The following ANKRD31 variants were observed in gnomAD, a reference collection of about 807,000 sequenced individuals.
The protein encoded by ANKRD31 is ankyrin repeat domain 31, also known as ankyrin repeat domain-containing protein 31.
ANKRD31 carries 147 observed loss-of-function variants against 186.0 expected under a neutral mutation model. That is an observed-to-expected ratio of 0.79 (90% CI 0.69 to 0.91). The LOEUF (loss-of-function observed/expected upper bound fraction) is 0.91. Ranked by LOEUF, ANKRD31 falls within the 40% of genes least tolerant of loss-of-function variation. The pLI is 0.00. For missense variants in ANKRD31, 1,986 were observed against 2,148.8 expected, an observed-to-expected ratio of 0.92 and a Z score of 1.50; for synonymous variants, 673 against 736.4, an observed-to-expected ratio of 0.91 and a Z score of 1.39.
Position 75,147,474 on chromosome 5 carries a change from C to T in ANKRD31, c.1937G>A (p.Trp646Ter), listed in dbSNP as rs754638397. Residue 646 changes from tryptophan (W) to a stop codon, truncating the protein, a stop_gained, in exon 14 of 26, where the codon TGG becomes TAG. Coordinates refer to ENST00000506364, the MANE Select transcript of ANKRD31 (RefSeq NM_001372053.1). LOFTEE classifies it high-confidence loss of function. ...GTTGGAATTTTCATTATAAACATGC[C>T]AAATGTGACTTTTAGAACTGAACTT... ...KPKFSSKSHI[W>*]HVYNENSNRQ... The T allele has an allele frequency of 9.0e-5, 133 of 1,470,818 alleles. No homozygotes were observed. Among genetic ancestry groups the T allele is most frequent in the Non-Finnish European group, 1.2e-4 (130 of 1,122,150 alleles). 91.1% of individuals were successfully genotyped at this position (1,470,818 alleles called of 1,614,324 possible).
intron 2 of ANKRD31, among the ~76,000 whole-genome samples, chr5:75,224,026 T>C (rs1757459564): frequency 1.3e-5 from 2 of 151,334 alleles, no homozygotes; most frequent in Admixed American, 6.6e-5. Context: ...TAAATATCTA[T>C]AGATCAAACC....
chr5:75,146,693 G>T lies in ANKRD31; in HGVS notation c.2718C>A (p.Cys906Ter). ...ENSDNDDDDD[C>*]STSEKAITSK... ...ATGTTATAGCCTTCTCAGAGGTAGA[G>T]CAATCATCATCATCATCATTATCAG... is the stretch of plus-strand genomic sequence containing the variant. The change falls in exon 14 of 26, where the codon TGC becomes TGA. Residue 906 changes from cysteine to a stop codon, truncating the protein, a stop_gained. Coordinates refer to ENST00000506364, the MANE Select transcript of ANKRD31 (RefSeq NM_001372053.1). LOFTEE classifies it high-confidence loss of function. The T allele has an allele frequency of 6.5e-7, 1 of 1,536,162 alleles. No individual in the cohort carries two copies. Among genetic ancestry groups the T allele is most frequent in the Non-Finnish European group, 8.7e-7 (1 of 1,146,198 alleles).
chr5:75,101,098 G>A (rs993787872), intron 22 of ANKRD31, among the ~76,000 whole-genome samples: 1 of 152,158 alleles, frequency 6.6e-6, no homozygotes, highest in African/African-American at 2.4e-5. Flanking sequence ...CTTCCTTCAG[G>A]AGCTCTTGTA....
At chr5:75,148,430 C>CTAGTG in intron 13 of ANKRD31, 146 bp downstream of exon 13, 1 of 542,958 alleles carries the variant, frequency 1.8e-6, no homozygotes, top group Non-Finnish European at 3.1e-6. Flanking sequence ...CCCTCTGATT[C>CTAGTG]TCATGCAATT....
Position 75,146,154 on chromosome 5 carries a change from T to G in ANKRD31, c.3257A>C (p.His1086Pro). ...TTTAGTTGTTTCTATTACTTGAGAA[T>G]GAGCAACTATGGATAAAGGCTCATT... ...YSNEPLSIVAHSQVIETTKVE... is the reference protein window; with the variant it reads ...YSNEPLSIVAPSQVIETTKVE... The change falls in exon 14 of 26, where the codon CAT becomes CCT. Residue 1086 changes from histidine (H) to proline (P), a missense_variant. Coordinates refer to ENST00000506364, the MANE Select transcript of ANKRD31 (RefSeq NM_001372053.1). 1 of 1,535,946 alleles carries G rather than the reference T, an allele frequency of 6.5e-7. No homozygotes were observed. The highest frequency in any genetic ancestry group is 8.7e-7 in the Non-Finnish European group (1 of 1,146,284).
intron 6 of ANKRD31, among the ~76,000 whole-genome samples, chr5:75,196,901 CTTT>C (rs1264731551): frequency 6.6e-6 from 1 of 151,312 alleles, no homozygotes; most frequent in Non-Finnish European, 1.5e-5. Context: ...CTTTTCTTTC[CTTT>C]TTTTTCTTTT....
At chr5:75,125,313 T>C (rs1749154714) in intron 17 of ANKRD31, among the ~76,000 whole-genome samples, 1 of 152,210 alleles carries the variant, frequency 6.6e-6, no homozygotes, top group Non-Finnish European at 1.5e-5. Context: ...TTTCTATTTA[T>C]TTAGATTTTA....
intron 25 of ANKRD31, among the ~76,000 whole-genome samples, chr5:75,075,013 C>A (rs942214698): frequency 7.2e-5 from 11 of 152,204 alleles, no homozygotes; most frequent in African/African-American, 2.6e-4. Context: ...TTTTTCTTTT[C>A]TTAAAAATCA....
intron 17 of ANKRD31, 23 bp downstream of exon 17, chr5:75,137,833 T>C (rs1325221046): frequency 7.0e-7 from 1 of 1,428,668 alleles, no homozygotes; most frequent in Non-Finnish European, 9.1e-7. Flanking sequence ...AGTAGTAAGA[T>C]CTTAATGTGA....
chr5:75,131,942 G>A (rs1749880155), intron 17 of ANKRD31, among the ~76,000 whole-genome samples: 2 of 152,234 alleles, frequency 1.3e-5, no homozygotes, highest in Non-Finnish European at 2.9e-5. Context: ...GCCTGCAGCT[G>A]AGGGTCCTGA....
intron 23 of ANKRD31, among the ~76,000 whole-genome samples, chr5:75,087,223 C>T (rs768986073): frequency 6.6e-5 from 10 of 151,992 alleles, no homozygotes; most frequent in African/African-American, 9.7e-5. Context: ...GAAATCTGTT[C>T]GTGGATGGCC....
chr5:75,154,130 T>C, intron 12 of ANKRD31, 71 bp downstream of exon 12: 1 of 1,275,758 alleles, frequency 7.8e-7, no homozygotes, highest in South Asian at 2.4e-5. Flanking sequence ...TTTAATTTCT[T>C]TAATTCTAAA....
At chr5:75,094,425 C>G (rs1017579135) in intron 22 of ANKRD31, among the ~76,000 whole-genome samples, 5 of 151,988 alleles carry the variant, frequency 3.3e-5, no homozygotes, top group African/African-American at 1.2e-4. Context: ...ACAGAAGTAA[C>G]ATTTCTATAT....
At chr5:75,160,408 C>T (rs993127067) in intron 11 of ANKRD31, among the ~76,000 whole-genome samples, 1 of 151,670 alleles carries the variant, frequency 6.6e-6, no homozygotes, top group African/African-American at 2.4e-5. Context: ...AAAAGAAAAG[C>T]AGTATAGGTG....
intron 15 of ANKRD31, among the ~76,000 whole-genome samples, chr5:75,142,232 T>C (rs1751104191): frequency 6.6e-6 from 1 of 152,172 alleles, no homozygotes; most frequent in Non-Finnish European, 1.5e-5. Context: ...GTACTTTCAA[T>C]ATGGAAATGC....
intron 3 of ANKRD31, among the ~76,000 whole-genome samples, chr5:75,220,039 G>A (rs1404104055): frequency 6.6e-6 from 1 of 152,064 alleles, no homozygotes; most frequent in Non-Finnish European, 1.5e-5. Context: ...TAGAAACCCT[G>A]AAAGATAACC....
At position 75,068,442 on chromosome 5, in the gene ANKRD31, A is replaced by G; in HGVS notation, c.*77T>C. The G allele has an allele frequency of 1.5e-6, 2 of 1,340,680 alleles. No homozygotes were observed. The highest frequency in any genetic ancestry group is 1.9e-6 in the Non-Finnish European group (2 of 1,034,218). 83.0% of individuals were successfully genotyped at this position (1,340,680 alleles called of 1,614,324 possible). ...AAGTGTATGTTAAAATAGGCCCACC[A>G]GATTATACAAGATGAAATATAAATG... On this transcript the variant is annotated 3_prime_UTR_variant, in exon 26 of 26. Coordinates refer to ENST00000506364, the MANE Select transcript of ANKRD31 (RefSeq NM_001372053.1).
chr5:75,068,640 C>T lies in ANKRD31; in HGVS notation c.5672G>A (p.Ser1891Asn), dbSNP rs1329071621. The T allele has an allele frequency of 4.0e-6, 6 of 1,514,300 alleles. No homozygotes were observed. The highest frequency in any genetic ancestry group is 5.3e-6 in the Non-Finnish European group (6 of 1,137,960). The allele number at this position is 1,514,300 out of a possible 1,614,324, so 93.8% of individuals were successfully genotyped here. A position where few individuals can be genotyped will look rare whatever the true frequency, so the allele number is the denominator to read the frequency against. ...GQGTSRESMQ[S>N]SPRYLQINEI... ...ATTTATTTGTAGATAACGTGGGCTG[C>T]TTTGCATTGACTCTCTGGAAGTTCC... Residue 1891 changes from serine (S) to asparagine (N), a missense_variant, in exon 26 of 26, where the codon AGC (serine) becomes AAC (asparagine). Transcript: ENST00000506364.
At chr5:75,075,534 A>G (rs969772720) in intron 25 of ANKRD31, among the ~76,000 whole-genome samples, 6 of 152,236 alleles carry the variant, frequency 3.9e-5, no homozygotes, top group African/African-American at 7.2e-5. Flanking sequence ...ATAATACTCA[A>G]TATACTCACT....
Sources: gnomAD v4.1 joint callset for allele counts (sites outside exome capture counted in the v4.1 genomes callset) on GRCh38, gnomAD v4.1.1 for gene constraint, MANE v1.5 for transcripts, NCBI Gene and HGNC (gene_info 2026-07-23, HGNC 2026-07-21) for gene names.